SCG5: variants seen among roughly 807,000 people sequenced by gnomAD.
SCG5 encodes neuroendocrine protein 7B2.
SCG5 carries 18 observed loss-of-function variants against 25.7 expected under a neutral mutation model. That is an observed-to-expected ratio of 0.70 (90% confidence interval 0.48 to 1.04). SCG5 has a LOEUF of 1.04. Ranked by LOEUF, SCG5 falls within the 50% of genes least tolerant of loss-of-function variation. The pLI, the probability that SCG5 is intolerant of heterozygous loss-of-function variation, is 0.00. For missense variants in SCG5, 206 were observed against 259.8 expected (o/e 0.79, Z 1.42); for synonymous variants, 101 against 91.7 (o/e 1.10, Z -0.58).
rs1440614135 is a variant in SCG5 at position 32,696,525 on chromosome 15, A to T, written c.555A>T (p.Pro185=). Reference sequence around the variant, plus strand: ...TGTTTGTTTTTCAGAGTGTCAATCCATATCTACAAGGACAGAGACTGGATA... The same window carrying T: ...TGTTTGTTTTTCAGAGTGTCAATCCTTATCTACAAGGACAGAGACTGGATA... ...GERRKRRSVN[P]YLQGQRLDNV... The change falls in exon 6 of 6, where the codon CCA becomes CCT. Residue 185 remains proline, a synonymous_variant. Transcript: ENST00000300175. 4.3e-6 allele frequency: 7 copies of T among 1,611,502 alleles called. No individual in the cohort carries two copies. Among genetic ancestry groups the T allele is most frequent in the Middle Eastern group, 1.7e-4 (1 of 6,058 alleles).
intron 5 of SCG5, chr15:32,692,142 A>G (rs1266176680): frequency 9.4e-6 from 10 of 1,065,128 alleles, no homozygotes; most frequent in African/African-American, 1.7e-5. Context: ...CATCAATTCT[A>G]TAAAAACACA....
chr15:32,670,011 G>A (rs1292005374), intron 2 of SCG5, among the ~76,000 whole-genome samples: 1 of 152,228 alleles, frequency 6.6e-6, no homozygotes. Flanking sequence ...AGATGTGAAA[G>A]CTACAAATGC....
intron 4 of SCG5, among the ~76,000 whole-genome samples, chr15:32,690,914 C>A (rs2054840138): frequency 6.8e-6 from 1 of 147,942 alleles, no homozygotes; most frequent in African/African-American, 2.5e-5. Context: ...TAAAACAACA[C>A]AAGTAAAGCC....
chr15:32,691,826 C>A, intron 5 of SCG5, 63 bp downstream of exon 5: 1 of 1,588,146 alleles, frequency 6.3e-7, no homozygotes, highest in Non-Finnish European at 8.6e-7. Context: ...GGGCAGTGAA[C>A]AGGCTGAAAC....
chr15:32,671,004 A>G (rs16963973), intron 2 of SCG5, among the ~76,000 whole-genome samples: 28,002 of 152,186 alleles, frequency 0.18, 2,794 homozygotes, highest in Non-Finnish European at 0.22. Flanking sequence ...TGCTTATTAC[A>G]TACCAGGTAC....
intron 2 of SCG5, among the ~76,000 whole-genome samples, chr15:32,645,680 A>G (rs1457288487): frequency 6.6e-6 from 1 of 152,236 alleles, no homozygotes; most frequent in Admixed American, 6.5e-5. Context: ...GTGTAAAGGC[A>G]TGGAGGTACA....
At chr15:32,663,250 A>AT (rs1029471307) in intron 2 of SCG5, among the ~76,000 whole-genome samples, 2 of 151,528 alleles carry the variant, frequency 1.3e-5, no homozygotes, top group African/African-American at 2.4e-5. Context: ...TCAATTTTAG[A>AT]TTTTTTATTG....
chr15:32,691,931 G>T, intron 5 of SCG5, 168 bp downstream of exon 5: 1 of 1,456,754 alleles, frequency 6.9e-7, no homozygotes, highest in African/African-American at 1.4e-5. Flanking sequence ...GTCTGTCCTT[G>T]GTTTCTGCGA....
At chr15:32,696,491 GT>G (rs1291007645) in intron 5 of SCG5, 22 bp from the exon 6 acceptor site, 1 of 1,532,064 alleles carries the variant, frequency 6.5e-7, no homozygotes, top group Admixed American at 1.7e-5. Flanking sequence ...AAACCACATG[GT>G]TTTTGTTTGT....
At chr15:32,695,807 TA>T (rs1387888399) in intron 5 of SCG5, among the ~76,000 whole-genome samples, 1 of 152,176 alleles carries the variant, frequency 6.6e-6, no homozygotes, top group African/African-American at 2.4e-5. Flanking sequence ...CCTTCCTACC[TA>T]AATAGGGCCA....
Position 32,684,622 on chromosome 15 carries a change from C to G in SCG5, c.442C>G (p.Gln148Glu), listed in dbSNP as rs761951241. The G allele has an allele frequency of 6.2e-7, 1 of 1,613,794 alleles. No individual in the cohort carries two copies. ...GTTCAGTCGAGAGTTCCAGTTGCACCAGCATCTCTTTGATCCGGAACATGA... is the reference window on the plus strand; with the variant it reads ...GTTCAGTCGAGAGTTCCAGTTGCACGAGCATCTCTTTGATCCGGAACATGA... ...AEFSREFQLHQHLFDPEHDYP... is the reference protein window; with the variant it reads ...AEFSREFQLHEHLFDPEHDYP... Residue 148 changes from glutamine (Q) to glutamate (E), a missense_variant, in exon 4 of 6, where the codon CAG becomes GAG. Coordinates refer to ENST00000300175, the MANE Select transcript of SCG5 (RefSeq NM_001144757.3).
chr15:32,667,527 G>A (rs1387043139), intron 2 of SCG5, among the ~76,000 whole-genome samples: 3 of 152,224 alleles, frequency 2.0e-5, no homozygotes, highest in African/African-American at 7.2e-5. Context: ...TGGACTTTAA[G>A]GCACGAATTG....
chr15:32,694,699 A>G (rs1252352609), intron 5 of SCG5, among the ~76,000 whole-genome samples: 1 of 152,252 alleles, frequency 6.6e-6, no homozygotes, highest in Non-Finnish European at 1.5e-5. Context: ...GTCTTGTGGC[A>G]TGTCACTTTT....
chr15:32,695,719 G>A (rs369101407), intron 5 of SCG5, among the ~76,000 whole-genome samples: 2 of 152,112 alleles, frequency 1.3e-5, no homozygotes, highest in African/African-American at 4.8e-5. Flanking sequence ...GTCTTCAGAT[G>A]TTAATTCCCA....
intron 3 of SCG5, among the ~76,000 whole-genome samples, chr15:32,681,975 C>T (rs1038712769): frequency 6.6e-6 from 1 of 152,100 alleles, no homozygotes; most frequent in African/African-American, 2.4e-5. Flanking sequence ...GGCAGGAAAA[C>T]CTGAATCCCT....
Position 32,663,029 on chromosome 15 carries a change from A to T in SCG5, c.227-16737A>T, listed in dbSNP as rs2054247911. Among the ~76,000 whole-genome samples, 15 of 88,304 alleles carry T rather than the reference A, an allele frequency of 1.7e-4. 3 individuals carry two copies. In the East Asian group the frequency reaches 4.6e-3, roughly 27 times the overall value. 57.9% of individuals were successfully genotyped at this position (88,304 alleles called of 152,430 possible). On this transcript the variant is annotated intron_variant, in intron 2 of 5. Transcript: ENST00000300175. ...GAGAAGATTAGGGCTGTTAAAAAAA[A>T]AGAATATATATATATATATATATAT...
chr15:32,687,868 A>G (rs538549133), intron 4 of SCG5, among the ~76,000 whole-genome samples: 2 of 152,354 alleles, frequency 1.3e-5, no homozygotes, highest in African/African-American at 4.8e-5. Context: ...GAATACAAAG[A>G]TGAATGATAA....
chr15:32,663,062 TATATATATATATATATAA>T (rs1467053081), intron 2 of SCG5, among the ~76,000 whole-genome samples: 11 of 44,518 alleles, frequency 2.5e-4, no homozygotes, highest in African/African-American at 9.4e-4. Flanking sequence ...TATATATATA[TATATATATATATATATAA>T]TATATAATAT....
intron 2 of SCG5, among the ~76,000 whole-genome samples, chr15:32,648,289 C>T (rs2053976906): frequency 2.0e-5 from 3 of 152,158 alleles, no homozygotes; most frequent in Admixed American, 2.0e-4. Context: ...TAGCTCTACT[C>T]CAAACACCCT....
Sources: gnomAD v4.1 joint callset for allele counts (sites outside exome capture counted in the v4.1 genomes callset) on GRCh38, gnomAD v4.1.1 for gene constraint, MANE v1.5 for transcripts, NCBI Gene and HGNC (gene_info 2026-07-23, HGNC 2026-07-21) for gene names.